Variants in RAB41 observed in about 807,000 individuals in gnomAD.
RAB41 encodes the protein RAB41, member RAS oncogene family, also known as ras-related protein Rab-41.
A neutral mutation model predicts 19.0 loss-of-function variants in RAB41; 15 were observed. The ratio of observed to expected loss-of-function variants is 0.79; its 90% CI spans 0.53 to 1.21. The LOEUF (loss-of-function observed/expected upper bound fraction) is 1.21. Ranked by LOEUF, RAB41 falls within the 50% of genes most tolerant of loss-of-function variation. RAB41 has a pLI of 0.00. For missense variants in RAB41, 177 were observed against 179.7 expected, an observed-to-expected ratio of 0.99 and a Z score of 0.09; for synonymous variants, 73 against 64.7, an observed-to-expected ratio of 1.13 and a Z score of -0.62.
intron 7 of RAB41, 124 bp downstream of exon 7, chrX:70,284,453 T>C: frequency 1.1e-6 from 1 of 932,905 alleles, no homozygotes; most frequent in Non-Finnish European, 1.5e-6. Context: ...CCCAAAGTAG[T>C]TCCTTCGTTT....
At chrX:70,284,380 G>A (rs747843403) in intron 7 of RAB41, 51 bp downstream of exon 7, 1 of 1,159,920 alleles carries the variant, frequency 8.6e-7, no homozygotes, top group Non-Finnish European at 1.2e-6. Flanking sequence ...AGTAGAGAAG[G>A]TAAGTTTCCT....
Position 70,283,475 on chromosome X carries a change from C to T in RAB41, c.344-38C>T, listed in dbSNP as rs1405202170. On this transcript the variant is annotated intron_variant, in intron 4 of 7. Coordinates refer to ENST00000374473, the MANE Select transcript of RAB41 (RefSeq NM_001363807.1). ...AGGAAGTGTTCTCTCCAAATCTCTC[C>T]TAAATGTTTCAACGCTCTGGAACAT... 2.7e-6 allele frequency: 3 copies of T among 1,131,817 alleles called. No individual in the cohort carries two copies. In the African/African-American group the frequency reaches 5.4e-5, roughly 20 times the overall value. The allele number at this position is 1,131,817 out of a possible 1,213,427, so 93.3% of individuals were successfully genotyped here.
chrX:70,282,516 G>A lies in RAB41; in HGVS notation c.125-17G>A. On this transcript the variant is annotated splice_polypyrimidine_tract_variant and intron_variant, in intron 1 of 7. Coordinates refer to ENST00000374473, the MANE Select transcript of RAB41 (RefSeq NM_001363807.1). The stretch of plus-strand genomic sequence containing the variant: ...GGGCACTGAGGGCGACGATTGGCCT[G>A]CTTATCTCCCTCACAGTAGGGAAGA... The A allele has an allele frequency of 8.3e-7, 1 of 1,208,967 alleles. No individual in the cohort carries two copies.
Position 70,282,233 on chromosome X carries a change from C to T in RAB41, c.16C>T (p.His6Tyr), listed in dbSNP as rs1430587541. 5.0e-6 allele frequency: 6 copies of T among 1,211,934 alleles called. No individual in the cohort carries two copies. Among genetic ancestry groups the T allele is most frequent in the Non-Finnish European group, 5.6e-6 (5 of 895,439 alleles). Residue 6 changes from histidine (H) to tyrosine (Y), a missense_variant, in exon 1 of 8, where the codon CAC (histidine) becomes TAC (tyrosine). Physicochemically the swap from His to Tyr is moderately conservative, Grantham distance 83. Transcript: ENST00000374473. Reference sequence around the variant, plus strand: ...ACCTGAAGCGATGTCTGCCTTTGGTCACGACGAGGCCTGGATGGAGGCCGG... The same window carrying T: ...ACCTGAAGCGATGTCTGCCTTTGGTTACGACGAGGCCTGGATGGAGGCCGG... MSAFGHDEAWMEAGGF... is the reference protein window; with the variant it reads MSAFGYDEAWMEAGGF...
At chrX:70,283,678 G>T in intron 5 of RAB41, 54 bp downstream of exon 5, 1 of 864,117 alleles carries the variant, frequency 1.2e-6, no homozygotes. Context: ...TCTCTATGGG[G>T]AGGGTCAACT....
At chrX:70,283,901 A>G in intron 5 of RAB41, 49 bp from the exon 6 acceptor site, 1 of 899,744 alleles carries the variant, frequency 1.1e-6, no homozygotes, top group Non-Finnish European at 1.6e-6. Flanking sequence ...AGAAGAGTCT[A>G]TCCATATCCA....
chrX:70,284,476 G>A, intron 7 of RAB41, 112 bp from the exon 8 acceptor site: 1 of 943,045 alleles, frequency 1.1e-6, no homozygotes, highest in Non-Finnish European at 1.5e-6. Context: ...CTTTAGGTGA[G>A]AGGGATTGTA....
intron 3 of RAB41, 42 bp from the exon 4 acceptor site, chrX:70,283,226 G>A (rs1411986020): frequency 1.2e-5 from 13 of 1,087,282 alleles, no homozygotes; most frequent in Non-Finnish European, 1.5e-5. Context: ...CTAGTTTCTT[G>A]TCTACCTTTC....
intron 5 of RAB41, 150 bp from the exon 6 acceptor site, chrX:70,283,800 G>T: frequency 1.9e-6 from 1 of 521,244 alleles, no homozygotes; most frequent in Non-Finnish European, 3.3e-6. Context: ...TATGTTGGGG[G>T]TATAGGAGAG....
In RAB41 at chrX:70,283,323, C is replaced by G. The variant is rs1289172250; in HGVS notation, c.293C>G (p.Pro98Arg). The G allele has an allele frequency of 8.3e-7, 1 of 1,211,101 alleles. No individual in the cohort carries two copies. The highest frequency in any genetic ancestry group is 1.8e-5 in the South Asian group (1 of 56,984). Residue 98 changes from proline (P) to arginine (R), a missense_variant, in exon 4 of 8, where the codon CCT (proline) becomes CGT (arginine). By Grantham distance (103) the Pro-to-Arg change is moderately radical. Coordinates refer to ENST00000374473, the MANE Select transcript of RAB41 (RefSeq NM_001363807.1). Reference protein sequence around the residue: ...AGQERFHSLIPSYIRDSTIAV... With the variant: ...AGQERFHSLIRSYIRDSTIAV... ...CAGGAGCGCTTTCACAGCCTAATTC[C>G]TAGCTACATTCGTGATTCAACTATT...
At position 70,284,031 on chromosome X, in the gene RAB41, C is replaced by T. The variant is rs1308385803; in HGVS notation, c.537C>T (p.Tyr179=). 1.9e-5 allele frequency: 23 copies of T among 1,186,232 alleles called. No homozygotes were observed. The South Asian group carries it at 3.9e-4, about 20-fold the overall frequency. Residue 179 remains tyrosine, a synonymous_variant, in exon 6 of 8, where the codon TAC becomes TAT. Coordinates refer to ENST00000374473, the MANE Select transcript of RAB41 (RefSeq NM_001363807.1). ...TTGAGACCAGTGCCAAAACCGGTTA[C>T]AACGTGAAAAAGGTAATACTTGTTT... ...MFIETSAKTG[Y]NVKKLFRRVA... is the part of the protein sequence containing the mutation.
intron 6 of RAB41, 39 bp from the exon 7 acceptor site, chrX:70,284,227 C>CG (rs1555942462): frequency 0.086 from 54,807 of 633,842 alleles, 24 homozygotes; most frequent in Non-Finnish European, 0.096. Context: ...TTTTTTTCCC[C>CG]TTTTTTTTTT....
In RAB41 at chrX:70,284,916, C is replaced by T. The variant is rs1009967485; in HGVS notation, c.*273C>T. On this transcript the variant is annotated 3_prime_UTR_variant, in exon 8 of 8. Coordinates refer to ENST00000374473, the MANE Select transcript of RAB41 (RefSeq NM_001363807.1). ...TGTAGAGAATACAGTTCTACAGCAGCTGACATACTTCAAAGGCCAATACAA... is the reference window on the plus strand; with the variant it reads ...TGTAGAGAATACAGTTCTACAGCAGTTGACATACTTCAAAGGCCAATACAA... 2.7e-6 allele frequency: 1 copy of T among 372,067 alleles called. No homozygotes were observed. Among genetic ancestry groups the T allele is most frequent in the Non-Finnish European group, 4.7e-6 (1 of 211,111 alleles). 30.7% of individuals were successfully genotyped at this position (372,067 alleles called of 1,213,427 possible).
chrX:70,283,932 C>T lies in RAB41; in HGVS notation c.456-18C>T. On this transcript the variant is annotated intron_variant, in intron 5 of 7. Coordinates refer to ENST00000374473, the MANE Select transcript of RAB41 (RefSeq NM_001363807.1). Reference sequence around the variant, plus strand: ...ATCCAATAACTCTGGCCCTTTTCATCATTTCTGATTCGTCCAGACAAGTCA... The same window carrying T: ...ATCCAATAACTCTGGCCCTTTTCATTATTTCTGATTCGTCCAGACAAGTCA... 8.8e-7 allele frequency: 1 copy of T among 1,134,258 alleles called. No homozygotes were observed. The highest frequency in any genetic ancestry group is 1.2e-6 in the Non-Finnish European group (1 of 826,017). 93.5% of individuals were successfully genotyped at this position (1,134,258 alleles called of 1,213,427 possible). A position where few individuals can be genotyped will look rare whatever the true frequency, so the allele number is the denominator to read the frequency against.
At chrX:70,282,927 A>G in intron 3 of RAB41, 72 bp downstream of exon 3, 1 of 903,231 alleles carries the variant, frequency 1.1e-6, no homozygotes, top group South Asian at 2.1e-5. Flanking sequence ...GTTGGGTAGC[A>G]CCATCAAAAA....
In RAB41 at chrX:70,284,788, A is replaced by C. The variant is rs767553375; in HGVS notation, c.*145A>C. ...TTGGGGTAAAAACAGAACCCCTGAA[A>C]GTGCTATCATTTTTTCCTGACCGCA... is the stretch of plus-strand genomic sequence containing the variant. On this transcript the variant is annotated 3_prime_UTR_variant, in exon 8 of 8. Coordinates refer to ENST00000374473, the MANE Select transcript of RAB41 (RefSeq NM_001363807.1). 3 of 496,956 alleles carry C rather than the reference A, an allele frequency of 6.0e-6. No homozygotes were observed. The African/African-American group carries it at 7.1e-5, about 12-fold the overall frequency. The allele number at this position is 496,956 out of a possible 1,213,427, so 41.0% of individuals were successfully genotyped here. A position where few individuals can be genotyped will look rare whatever the true frequency, so the allele number is the denominator to read the frequency against.
intron 6 of RAB41, 103 bp downstream of exon 6, chrX:70,284,146 G>A (rs757789608): frequency 1.7e-5 from 16 of 968,526 alleles, no homozygotes; most frequent in Non-Finnish European, 2.0e-5. Context: ...TGTGGGATAG[G>A]GGTCAAGGTT....
At chrX:70,284,550 T>C (rs1186344712) in intron 7 of RAB41, 38 bp from the exon 8 acceptor site, 5 of 1,157,035 alleles carry the variant, frequency 4.3e-6, no homozygotes, top group Non-Finnish European at 4.7e-6. Context: ...TTGACTCCAG[T>C]CACCTCACTG....
intron 5 of RAB41, 47 bp from the exon 6 acceptor site, chrX:70,283,903 C>A: frequency 1.1e-6 from 1 of 909,882 alleles, no homozygotes. Flanking sequence ...AAGAGTCTAT[C>A]CATATCCAAT....
Sources: allele counts gnomAD v4.1 joint callset, GRCh38; gene constraint gnomAD v4.1.1; transcripts MANE v1.5; gene names NCBI Gene and HGNC (gene_info 2026-07-23, HGNC 2026-07-21).